Variants in PCDHGA1 observed in about 807,000 individuals in gnomAD.
The protein encoded by PCDHGA1 is protocadherin gamma subfamily A, 1, also known as protocadherin gamma-A1.
PCDHGA1 carries 32 observed loss-of-function variants against 58.0 expected under a neutral mutation model. The ratio of observed to expected loss-of-function variants is 0.55; its 90% CI spans 0.42 to 0.74. The LOEUF is 0.74. Ranked by LOEUF, PCDHGA1 falls within the 30% of genes least tolerant of loss-of-function variation. PCDHGA1 has a pLI of 0.00. For synonymous variants in PCDHGA1, 498 were observed against 501.1 expected, an observed-to-expected ratio of 0.99 and a Z score of 0.08; for missense variants, 1,205 against 1,182.3, an observed-to-expected ratio of 1.02 and a Z score of -0.28.
intron 1 of PCDHGA1, among the ~76,000 whole-genome samples, chr5:141,358,371 C>T (rs1760899906): frequency 6.6e-6 from 1 of 152,170 alleles, no homozygotes; most frequent in Admixed American, 6.5e-5. Context: ...CCTATTTTCA[C>T]ACTCTACCAT....
chr5:141,413,490 G>T (rs1255775347), intron 1 of PCDHGA1: 2 of 1,614,070 alleles, frequency 1.2e-6, no homozygotes, highest in Admixed American at 3.3e-5. Flanking sequence ...AGAGCGCGCG[G>T]TGCGTGGTGA....
Position 141,431,991 on chromosome 5 carries a change from A to G in PCDHGA1, c.2422-62816A>G. 1.2e-6 allele frequency: 2 copies of G among 1,614,218 alleles called. No individual in the cohort carries two copies. The highest frequency in any genetic ancestry group is 1.7e-6 in the Non-Finnish European group (2 of 1,180,042). On this transcript the variant is annotated intron_variant, in intron 1 of 3. Transcript: ENST00000517417. The surrounding 1 kb of genome is among the most constrained non-coding windows in gnomAD (Gnocchi z 4.8). The stretch of plus-strand genomic sequence containing the variant: ...AGTTTAGTCACAGACATAGTCTTGG[A>G]TAGGGAACAGGTTCCTAGCTACAAC...
intron 1 of PCDHGA1, chr5:141,383,924 A>G: frequency 1.2e-6 from 2 of 1,613,950 alleles, no homozygotes; most frequent in Non-Finnish European, 1.7e-6. Context: ...GATGTAAATG[A>G]TAATGCTCCA....
rs777121812 is a variant in PCDHGA1, at chr5:141,355,953, T to C, written c.2421+22848T>C. ...CTCAGCCCGAGTACCACGTAAGTGT[T>C]CGTGAGAACGTTCCTGTAGGCACTC... On this transcript the variant is annotated intron_variant, in intron 1 of 3. Transcript: ENST00000517417. 1.4e-5 allele frequency: 22 copies of C among 1,613,776 alleles called. No individual in the cohort carries two copies. The African/African-American group carries it at 2.9e-4, about 22-fold the overall frequency.
rs778244253 is a variant in PCDHGA1 at position 141,376,253 on chromosome 5, C to G, written c.2421+43148C>G. 3 of 1,614,104 alleles carry G rather than the reference C, an allele frequency of 1.9e-6. No individual in the cohort carries two copies. The African/African-American group carries it at 4.0e-5, about 22-fold the overall frequency. ...ACTGCAGCGCTGGCACAAGTCACGC[C>G]TGCTGCAGGCTTCGGGAGGTGGCTT... On this transcript the variant is annotated intron_variant, in intron 1 of 3. Transcript: ENST00000517417.
Position 141,382,148 on chromosome 5 carries a change from G to T in PCDHGA1, c.2421+49043G>T, listed in dbSNP as rs368948292. 1.1e-3 allele frequency among the ~76,000 whole-genome samples: 162 copies of T among 151,932 alleles called. 4 individuals are homozygous for T. In the South Asian group the frequency reaches 0.024, roughly 23 times the overall value. Reference sequence around the variant, plus strand: ...TGGCCCCCCCTCTCATTTTTTAAACGGTTAAAATGAAGGTGTTAGACCGTC... The same window carrying T: ...TGGCCCCCCCTCTCATTTTTTAAACTGTTAAAATGAAGGTGTTAGACCGTC... On this transcript the variant is annotated intron_variant, in intron 1 of 3. Coordinates refer to ENST00000517417, the MANE Select transcript of PCDHGA1 (RefSeq NM_018912.3).
chr5:141,485,805 T>C lies in PCDHGA1; in HGVS notation c.2422-9002T>C, dbSNP rs753916789. ...GAGAAGCAATCGGACTACCGCCTGG[T>C]GCTGACTGCTGTCGATGGAGGGAAC... On this transcript the variant is annotated intron_variant, in intron 1 of 3. Coordinates refer to ENST00000517417, the MANE Select transcript of PCDHGA1 (RefSeq NM_018912.3). The surrounding 1 kb of genome is among the most constrained non-coding windows in gnomAD (Gnocchi z 5.7). 1.2e-6 allele frequency: 2 copies of C among 1,614,198 alleles called. No individual in the cohort carries two copies. The highest frequency in any genetic ancestry group is 1.7e-6 in the Non-Finnish European group (2 of 1,180,026).
At chr5:141,333,185 A>G in intron 1 of PCDHGA1, 80 bp downstream of exon 1, 2 of 1,593,532 alleles carry the variant, frequency 1.3e-6, no homozygotes, top group Non-Finnish European at 1.7e-6. Context: ...GCTCTTTGCT[A>G]CAGATAGTTC....
intron 1 of PCDHGA1, chr5:141,421,248 C>G: frequency 1.2e-6 from 2 of 1,604,936 alleles, no homozygotes; most frequent in Middle Eastern, 1.7e-4. Flanking sequence ...GGCTACAGCG[C>G]GGGGACCGCA....
At chr5:141,452,895 A>G (rs527695680) in intron 1 of PCDHGA1, among the ~76,000 whole-genome samples, 16 of 152,312 alleles carry the variant, frequency 1.1e-4, no homozygotes, top group African/African-American at 3.6e-4. Flanking sequence ...TTCCACTTTT[A>G]TTAGTTGGCA....
chr5:141,370,634 A>G, intron 1 of PCDHGA1: 1 of 1,613,970 alleles, frequency 6.2e-7, no homozygotes, highest in South Asian at 1.1e-5. Context: ...TGAGCCCCGA[A>G]AATGGGAACT....
chr5:141,375,109 T>G (rs199796645), intron 1 of PCDHGA1: 1 of 1,613,952 alleles, frequency 6.2e-7, no homozygotes, highest in Middle Eastern at 1.6e-4. Flanking sequence ...ATGTCAATGA[T>G]AATGTACCAG....
rs1433790348 is a variant in PCDHGA1, at chr5:141,431,831, G to A, written c.2422-62976G>A. The A allele has an allele frequency of 1.2e-6, 2 of 1,614,110 alleles. No homozygotes were observed. The highest frequency in any genetic ancestry group is 1.7e-6 in the Non-Finnish European group (2 of 1,180,040). On this transcript the variant is annotated intron_variant, in intron 1 of 3. Transcript: ENST00000517417. The surrounding 1 kb of genome is among the most constrained non-coding windows in gnomAD (Gnocchi z 4.8). Reference sequence around the variant, plus strand: ...CACCTCTCTCGCCAGCTCGGTTCCCGAAAACTCTCCCAGAGGGACATTAAT... The same window carrying A: ...CACCTCTCTCGCCAGCTCGGTTCCCAAAAACTCTCCCAGAGGGACATTAAT...
intron 1 of PCDHGA1, chr5:141,399,670 G>A (rs2093861747): frequency 6.2e-7 from 1 of 1,613,610 alleles, no homozygotes; most frequent in Non-Finnish European, 8.5e-7. Flanking sequence ...CGCGCAGCGC[G>A]CCTTTGACTA....
intron 1 of PCDHGA1, chr5:141,413,845 C>G: frequency 6.2e-7 from 1 of 1,613,242 alleles, no homozygotes. Flanking sequence ...CGGGGGTGAC[C>G]CTCTCCGATC....
rs754953894 is a variant in PCDHGA1 at position 141,409,856 on chromosome 5, G to T, written c.2421+76751G>T. 4.0e-5 allele frequency: 64 copies of T among 1,612,232 alleles called. No individual in the cohort carries two copies. Among genetic ancestry groups the T allele is most frequent in the Non-Finnish European group, 5.3e-5 (62 of 1,179,390 alleles). On this transcript the variant is annotated intron_variant, in intron 1 of 3. Coordinates refer to ENST00000517417, the MANE Select transcript of PCDHGA1 (RefSeq NM_018912.3). ...CGCCAACGTGAGCCTGCGCGTGTTG[G>T]TGGGAGACCGCAATGACAACGCACC... is the stretch of plus-strand genomic sequence containing the variant.
At chr5:141,393,028 C>T in intron 1 of PCDHGA1, 6 of 1,613,768 alleles carry the variant, frequency 3.7e-6, no homozygotes, top group Non-Finnish European at 5.1e-6. Context: ...AGAGGTAGGA[C>T]GCAGCTCTTT....
chr5:141,395,102 G>T (rs766050798), intron 1 of PCDHGA1: 3 of 1,614,172 alleles, frequency 1.9e-6, no homozygotes, highest in South Asian at 1.1e-5. Flanking sequence ...CCGCCGACTC[G>T]CGGAAGAGTC....
Position 141,352,107 on chromosome 5 carries a change from G to A in PCDHGA1, c.2421+19002G>A, listed in dbSNP as rs754148272. On this transcript the variant is annotated intron_variant, in intron 1 of 3. Transcript: ENST00000517417. ...AGCGAGCCCGGGCTCTTCAGCCTGG[G>A]GTTGCGCACGGGTGAGGTGCGCACA... is the stretch of plus-strand genomic sequence containing the variant. 1.9e-6 allele frequency: 3 copies of A among 1,607,096 alleles called. No homozygotes were observed. The African/African-American group carries it at 4.0e-5, about 21-fold the overall frequency.
Sources: gnomAD v4.1 joint callset for allele counts (sites outside exome capture counted in the v4.1 genomes callset) on GRCh38, gnomAD v4.1.1 for gene constraint, Gnocchi (gnomAD v3.1) non-coding constraint, MANE v1.5 for transcripts, NCBI Gene and HGNC (gene_info 2026-07-23, HGNC 2026-07-21) for gene names.